The following ADARB2 variants were observed in gnomAD, a reference collection of about 807,000 sequenced individuals.
ADARB2 encodes the protein adenosine deaminase RNA specific B2 (inactive), also known as inactive double-stranded RNA-specific editase B2.
Under a neutral mutation model 62.2 loss-of-function variants are expected in ADARB2, and 25 were observed. The ratio of observed to expected loss-of-function variants is 0.40; its 90% CI spans 0.29 to 0.56. The LOEUF (loss-of-function observed/expected upper bound fraction) is 0.56, where lower values mean the gene tolerates loss of function less well. Among genes scored for constraint, ADARB2 ranks in the 20% least tolerant of loss-of-function variants. ADARB2 has a pLI of 0.43. For missense variants in ADARB2, 1,071 were observed against 1,077.4 expected (o/e 0.99, Z 0.08); for synonymous variants, 572 against 500.8 (o/e 1.14, Z -1.90).
At chr10:1,354,020 A>T (rs948980050) in intron 3 of ADARB2, among the ~76,000 whole-genome samples, 1 of 152,112 alleles carries the variant, frequency 6.6e-6, no homozygotes, top group African/African-American at 2.4e-5. Context: ...GGACTATTCC[A>T]CAATATCACC....
rs1318514664 is a variant in ADARB2 at position 1,419,904 on chromosome 10, A to T, written c.101-40744T>A. 2.0e-5 allele frequency among the ~76,000 whole-genome samples: 3 copies of T among 152,232 alleles called. No individual in the cohort carries two copies. In the East Asian group the frequency reaches 5.8e-4, roughly 29 times the overall value. Reference sequence around the variant, plus strand: ...AGTGATTCAGTTCTGTAAGTTTTGGACTAGAAATCAGAGTCTCTCTGGACA... The same window carrying T: ...AGTGATTCAGTTCTGTAAGTTTTGGTCTAGAAATCAGAGTCTCTCTGGACA... On this transcript the variant is annotated intron_variant, in intron 1 of 9. Coordinates refer to ENST00000381312, the MANE Select transcript of ADARB2 (RefSeq NM_018702.4).
intron 1 of ADARB2, among the ~76,000 whole-genome samples, chr10:1,395,815 G>C (rs978699569): frequency 6.6e-6 from 1 of 152,206 alleles, no homozygotes; most frequent in African/African-American, 2.4e-5. Context: ...GTGTCTCATA[G>C]CGGCTGCCTT....
At chr10:1,669,397 A>G (rs926715710) in intron 1 of ADARB2, among the ~76,000 whole-genome samples, 2 of 152,206 alleles carry the variant, frequency 1.3e-5, no homozygotes, top group Non-Finnish European at 2.9e-5. Context: ...AGCAGCACAC[A>G]CATAACACAT....
chr10:1,655,973 G>A (rs1009222042), intron 1 of ADARB2, among the ~76,000 whole-genome samples: 2 of 152,326 alleles, frequency 1.3e-5, no homozygotes, highest in Admixed American at 6.5e-5. Context: ...GGTGTGAGGT[G>A]TGCCCACACA....
chr10:1,683,079 G>C (rs949031653), intron 1 of ADARB2, among the ~76,000 whole-genome samples: 5 of 152,228 alleles, frequency 3.3e-5, no homozygotes, highest in African/African-American at 1.2e-4. Context: ...AATGTTTTGT[G>C]TGCTTTTCAT....
At chr10:1,532,439 G>T (rs1053563557) in intron 1 of ADARB2, among the ~76,000 whole-genome samples, 3 of 152,182 alleles carry the variant, frequency 2.0e-5, no homozygotes, top group Non-Finnish European at 4.4e-5. Context: ...GGGGCCTTCG[G>T]TGTGGGCTCC....
At chr10:1,511,025 T>A (rs1036808439) in intron 1 of ADARB2, among the ~76,000 whole-genome samples, 1 of 152,290 alleles carries the variant, frequency 6.6e-6, no homozygotes, top group East Asian at 1.9e-4. Context: ...GCTAATTTTT[T>A]AAATTATTTC....
chr10:1,412,798 C>G (rs2387671), intron 1 of ADARB2, among the ~76,000 whole-genome samples: 51,003 of 152,108 alleles, frequency 0.34, 9,409 homozygotes, highest in East Asian at 0.77. Flanking sequence ...TGCTTCTCTA[C>G]GTCTCAATTT....
chr10:1,606,227 C>T (rs1205218634), intron 1 of ADARB2, among the ~76,000 whole-genome samples: 1 of 152,160 alleles, frequency 6.6e-6, no homozygotes, highest in African/African-American at 2.4e-5. Context: ...CAGTCTTCAC[C>T]CTATGGCACT....
intron 1 of ADARB2, among the ~76,000 whole-genome samples, chr10:1,407,392 G>T (rs1033902515): frequency 6.6e-6 from 1 of 152,206 alleles, no homozygotes; most frequent in African/African-American, 2.4e-5. Flanking sequence ...AGGGTACAAC[G>T]GCCGGGGTGG....
At chr10:1,408,800 T>C (rs904650049) in intron 1 of ADARB2, among the ~76,000 whole-genome samples, 2 of 152,182 alleles carry the variant, frequency 1.3e-5, no homozygotes, top group African/African-American at 4.8e-5. Context: ...GGCCACACAC[T>C]GGTAGCTGGG....
At chr10:1,665,898 G>T (rs896351049) in intron 1 of ADARB2, among the ~76,000 whole-genome samples, 1 of 152,206 alleles carries the variant, frequency 6.6e-6, no homozygotes, top group East Asian at 1.9e-4. Context: ...GTAAATGAGG[G>T]TGCGGCACGG....
intron 1 of ADARB2, among the ~76,000 whole-genome samples, chr10:1,460,216 A>T (rs112143694): frequency 1.0e-4 from 2 of 19,810 alleles, no homozygotes; most frequent in African/African-American, 2.8e-4. Flanking sequence ...TTACCTGCGT[A>T]ACGAACCTGC....
At chr10:1,552,372 C>T (rs927106548) in intron 1 of ADARB2, among the ~76,000 whole-genome samples, 45 of 152,174 alleles carry the variant, frequency 3.0e-4, no homozygotes, top group African/African-American at 8.0e-4. Context: ...TGCAGACCCA[C>T]GGGTGATGCC....
chr10:1,423,049 G>A lies in ADARB2; in HGVS notation c.101-43889C>T, dbSNP rs75439631. Among the ~76,000 whole-genome samples the A allele has an allele frequency of 3.2e-3, 492 of 152,282 alleles. 1 individual carries two copies. Among genetic ancestry groups the A allele is most frequent in the African/African-American group, 0.011 (440 of 41,554 alleles). On this transcript the variant is annotated intron_variant, in intron 1 of 9. Transcript: ENST00000381312. ...GGAGACTCAGAGAGGTATTTGCCTTGTGCATTTCTCCTGGAGCTTACATCA... is the reference window on the plus strand; with the variant it reads ...GGAGACTCAGAGAGGTATTTGCCTTATGCATTTCTCCTGGAGCTTACATCA...
intron 1 of ADARB2, among the ~76,000 whole-genome samples, chr10:1,617,167 T>C: frequency 6.9e-6 from 1 of 145,432 alleles, no homozygotes; most frequent in African/African-American, 2.6e-5. Flanking sequence ...GGAACTGGCC[T>C]CAGAGGGCTG....
chr10:1,281,098 A>C (rs1831366940), intron 3 of ADARB2, among the ~76,000 whole-genome samples: 1 of 152,262 alleles, frequency 6.6e-6, no homozygotes. Flanking sequence ...ATGAAATCTT[A>C]CAACTTATAA....
At chr10:1,198,618 T>C (rs375949874) in intron 8 of ADARB2, among the ~76,000 whole-genome samples, 1 of 152,238 alleles carries the variant, frequency 6.6e-6, no homozygotes, top group Non-Finnish European at 1.5e-5. Flanking sequence ...GCACCGGCCG[T>C]GGTGTGGCAG....
rs147818964 is a variant in ADARB2, at chr10:1,435,045, C to A, written c.101-55885G>T. Among the ~76,000 whole-genome samples the A allele has an allele frequency of 3.1e-3, 479 of 152,364 alleles. 10 individuals carry two copies. The highest frequency in any genetic ancestry group is 6.9e-4 in the Non-Finnish European group (47 of 68,036). On this transcript the variant is annotated intron_variant, in intron 1 of 9. Transcript: ENST00000381312. ...AGCTTCGTTGGGGGAAGATTCAGATCCTCAAAAAATTGAAGCACAGCACGG... is the reference window on the plus strand; with the variant it reads ...AGCTTCGTTGGGGGAAGATTCAGATACTCAAAAAATTGAAGCACAGCACGG...
Sources: gnomAD v4.1 joint callset for allele counts (sites outside exome capture counted in the v4.1 genomes callset) on GRCh38, gnomAD v4.1.1 for gene constraint, MANE v1.5 for transcripts, NCBI Gene and HGNC (gene_info 2026-07-23, HGNC 2026-07-21) for gene names.